The following SNX29 variants were observed in gnomAD, a reference collection of about 807,000 sequenced individuals.
The protein encoded by SNX29 is sorting nexin 29, also known as sorting nexin-29.
A neutral mutation model predicts 102.1 loss-of-function variants in SNX29; 78 were observed. That is an observed-to-expected ratio of 0.76 (90% CI 0.64 to 0.92). The LOEUF (loss-of-function observed/expected upper bound fraction) is 0.92, where lower values mean the gene tolerates loss of function less well. Ranked by LOEUF, SNX29 falls within the 40% of genes least tolerant of loss-of-function variation. The pLI, the probability that SNX29 is intolerant of heterozygous loss-of-function variation, is 0.00. For synonymous variants in SNX29, 580 were observed against 414.5 expected, an observed-to-expected ratio of 1.40 and a Z score of -4.85; for missense variants, 1,280 against 1,061.7, an observed-to-expected ratio of 1.21 and a Z score of -2.86.
chr16:12,478,911 G>A (rs1229921706), intron 19 of SNX29, among the ~76,000 whole-genome samples: 2 of 152,184 alleles, frequency 1.3e-5, no homozygotes, highest in African/African-American at 4.8e-5. Context: ...GAAGGAGACA[G>A]GGGCACTTCA....
chr16:12,167,611 CATTTA>C (rs1238303411), intron 13 of SNX29, among the ~76,000 whole-genome samples: 1 of 152,156 alleles, frequency 6.6e-6, no homozygotes, highest in Admixed American at 6.5e-5. Flanking sequence ...CTGCAGCTCA[CATTTA>C]TTGAGTGTTT....
chr16:12,417,826 A>G (rs1037578351), intron 18 of SNX29, among the ~76,000 whole-genome samples: 1 of 151,756 alleles, frequency 6.6e-6, no homozygotes, highest in African/African-American at 2.4e-5. Context: ...GAGGAAATTC[A>G]TAATTTCCTG....
intron 15 of SNX29, among the ~76,000 whole-genome samples, chr16:12,313,561 T>A (rs1443422181): frequency 1.3e-5 from 2 of 152,146 alleles, no homozygotes; most frequent in Non-Finnish European, 2.9e-5. Flanking sequence ...CCGTCAGCCC[T>A]CTTGTGGAAT....
chr16:12,402,726 T>C (rs768345592), intron 17 of SNX29, among the ~76,000 whole-genome samples: 3 of 152,224 alleles, frequency 2.0e-5, no homozygotes, highest in Non-Finnish European at 4.4e-5. Flanking sequence ...GGTAAAAGCA[T>C]GGAGCTGTGC....
chr16:12,530,836 G>A (rs568760263), intron 20 of SNX29, among the ~76,000 whole-genome samples: 30 of 152,340 alleles, frequency 2.0e-4, no homozygotes, highest in African/African-American at 5.5e-4. Context: ...GATTACAGGC[G>A]TGAGCCACCG....
intron 1 of SNX29, among the ~76,000 whole-genome samples, chr16:11,994,546 C>A (rs1014666840): frequency 2.0e-5 from 3 of 152,236 alleles, no homozygotes; most frequent in African/African-American, 7.2e-5. Flanking sequence ...TCCTCGGCCA[C>A]TTCCCATGAG....
At chr16:12,219,303 A>G (rs1393343159) in intron 14 of SNX29, among the ~76,000 whole-genome samples, 1 of 150,852 alleles carries the variant, frequency 6.6e-6, no homozygotes, top group Non-Finnish European at 1.5e-5. Flanking sequence ...AGTGGTTTTC[A>G]GTCCTTTTTG....
chr16:12,051,677 A>G (rs2050309310), intron 7 of SNX29, among the ~76,000 whole-genome samples, 170 bp from the exon 8 acceptor site: 1 of 152,248 alleles, frequency 6.6e-6, no homozygotes, highest in Admixed American at 6.5e-5. Flanking sequence ...CATTCTGCTC[A>G]ATCTTCTGTA....
chr16:12,043,094 C>G lies in SNX29; in HGVS notation c.428+17C>G. 1 of 1,611,950 alleles carries G rather than the reference C, an allele frequency of 6.2e-7. No individual in the cohort carries two copies. Among genetic ancestry groups the G allele is most frequent in the African/African-American group, 1.3e-5 (1 of 74,998 alleles). ...CAGGCTGAGGTACGTGGCCGGGATG[C>G]GAACTGGGATGGGATGGAGCAAGAG... On this transcript the variant is annotated intron_variant, in intron 5 of 20. Coordinates refer to ENST00000566228, the MANE Select transcript of SNX29 (RefSeq NM_032167.5).
At position 12,083,305 on chromosome 16, in the gene SNX29, C is replaced by CAAAA. The variant is rs373592693; in HGVS notation, c.1402+4401_1402+4404dup. 1.4e-3 allele frequency among the ~76,000 whole-genome samples: 183 copies of CAAAA among 130,946 alleles called. 1 individual carries two copies. Among genetic ancestry groups the CAAAA allele is most frequent in the African/African-American group, 4.9e-3 (176 of 36,142 alleles). 85.9% of individuals were successfully genotyped at this position (130,946 alleles called of 152,430 possible). On this transcript the variant is annotated intron_variant, in intron 11 of 20. Transcript: ENST00000566228. ...TGGGCGACAGAGCAAGACTATGTCT[C>CAAAA]AAAAAAAAAAAAAACCCCTCAAAAC...
intron 13 of SNX29, among the ~76,000 whole-genome samples, chr16:12,130,930 C>G (rs2054438888): frequency 6.6e-6 from 1 of 152,136 alleles, no homozygotes; most frequent in Non-Finnish European, 1.5e-5. Flanking sequence ...GGTTTCCAGT[C>G]TTTTGCTGCT....
intron 19 of SNX29, among the ~76,000 whole-genome samples, chr16:12,478,167 C>G (rs779551092): frequency 3.3e-5 from 5 of 152,218 alleles, no homozygotes; most frequent in Non-Finnish European, 7.3e-5. Context: ...GGCAAATACT[C>G]ACCTCTGCTG....
In SNX29 at chr16:12,574,031, G is replaced by A. The variant is rs772115030; in HGVS notation, c.*5402G>A. 5.1e-6 allele frequency: 1 copy of A among 195,268 alleles called. No homozygotes were observed. Among genetic ancestry groups the A allele is most frequent in the East Asian group, 8.1e-5 (1 of 12,336 alleles). The allele number at this position is 195,268 out of a possible 1,614,324, so 12.1% of individuals were successfully genotyped here. A position where few individuals can be genotyped will look rare whatever the true frequency, so the allele number is the denominator to read the frequency against. On this transcript the variant is annotated 3_prime_UTR_variant, in exon 21 of 21. Transcript: ENST00000566228. Reference sequence around the variant, plus strand: ...TAAGGGTAAGCAGGCCACATATCTAGAGTCTGATAGTCTGTGTGTACATAA... The same window carrying A: ...TAAGGGTAAGCAGGCCACATATCTAAAGTCTGATAGTCTGTGTGTACATAA...
At chr16:12,526,791 G>A (rs569468220) in intron 20 of SNX29, 7 of 419,976 alleles carry the variant, frequency 1.7e-5, no homozygotes, top group African/African-American at 1.0e-4. Context: ...CACCCCCTGC[G>A]GGGTCCACAG....
At chr16:12,264,836 T>C (rs1374488548) in intron 14 of SNX29, among the ~76,000 whole-genome samples, 1 of 152,014 alleles carries the variant, frequency 6.6e-6, no homozygotes, top group Non-Finnish European at 1.5e-5. Context: ...TTGCCCTCCA[T>C]ATCCCAGGGC....
intron 20 of SNX29, among the ~76,000 whole-genome samples, chr16:12,541,414 G>T (rs2077334125): frequency 6.6e-6 from 1 of 152,148 alleles, no homozygotes; most frequent in Admixed American, 6.5e-5. Flanking sequence ...TAAAGAAACT[G>T]AGGCTCATGG....
chr16:12,567,505 CCAGG>C (rs1279972952), intron 20 of SNX29, among the ~76,000 whole-genome samples: 2 of 152,118 alleles, frequency 1.3e-5, no homozygotes, highest in Admixed American at 1.3e-4. Flanking sequence ...TAAGGATTGG[CCAGG>C]CACAGTGGCT....
intron 20 of SNX29, among the ~76,000 whole-genome samples, chr16:12,547,424 C>T (rs2077675905): frequency 6.6e-6 from 1 of 152,120 alleles, no homozygotes; most frequent in African/African-American, 2.4e-5. Context: ...ACCATGTGGG[C>T]ACCCCGGGGA....
chr16:12,292,811 C>A (rs528627849), intron 15 of SNX29, among the ~76,000 whole-genome samples: 1 of 152,354 alleles, frequency 6.6e-6, no homozygotes, highest in Non-Finnish European at 1.5e-5. Flanking sequence ...TCCCTGTTCT[C>A]TTCCTCTGTG....
Sources: allele counts gnomAD v4.1 joint callset (sites outside exome capture counted in the v4.1 genomes callset), GRCh38; gene constraint gnomAD v4.1.1; transcripts MANE v1.5; gene names NCBI Gene and HGNC (gene_info 2026-07-23, HGNC 2026-07-21).